CNTN1: variants seen among roughly 807,000 people sequenced by gnomAD.
The protein encoded by CNTN1 is contactin 1.
In CNTN1, 38 loss-of-function variants were observed where a neutral mutation model predicts 126.4. The ratio of observed to expected loss-of-function variants is 0.30; its 90% CI spans 0.23 to 0.39. The LOEUF (loss-of-function observed/expected upper bound fraction) is 0.39. Among genes scored for constraint, CNTN1 ranks in the 10% least tolerant of loss-of-function variants. CNTN1 has a pLI of 1.00. For missense variants in CNTN1, 1,009 were observed against 1,248.4 expected, an observed-to-expected ratio of 0.81 and a Z score of 2.89; for synonymous variants, 413 against 422.6, an observed-to-expected ratio of 0.98 and a Z score of 0.28.
intron 17 of CNTN1, among the ~76,000 whole-genome samples, chr12:40,998,551 G>A (rs1948277304): frequency 6.6e-6 from 1 of 152,114 alleles, no homozygotes; most frequent in Non-Finnish European, 1.5e-5. Flanking sequence ...TATATTAGGG[G>A]TGTTAGCAAT....
At chr12:40,731,540 T>G (rs1942501070) in intron 1 of CNTN1, among the ~76,000 whole-genome samples, 1 of 152,012 alleles carries the variant, frequency 6.6e-6, no homozygotes. Context: ...AATGTACATA[T>G]TCTTTAGATA....
intron 17 of CNTN1, among the ~76,000 whole-genome samples, chr12:41,005,799 A>AT (rs1428492322): frequency 6.6e-6 from 1 of 151,714 alleles, no homozygotes; most frequent in East Asian, 1.9e-4. Context: ...TAAACTGTCT[A>AT]TTTTTTCTGT....
intron 1 of CNTN1, among the ~76,000 whole-genome samples, chr12:40,767,618 TTG>T (rs1483226295): frequency 2.8e-5 from 4 of 143,654 alleles, no homozygotes; most frequent in Non-Finnish European, 6.1e-5. Context: ...CTTTTTTTGT[TTG>T]TTTGTTTGTT....
chr12:40,982,277 T>C (rs1947840272), intron 16 of CNTN1, among the ~76,000 whole-genome samples: 1 of 152,146 alleles, frequency 6.6e-6, no homozygotes, highest in Non-Finnish European at 1.5e-5. Flanking sequence ...AATCAGATCA[T>C]CTGAAAAATA....
In CNTN1 at chr12:40,749,634, A is replaced by ATT. The variant is rs200512574; in HGVS notation, c.-77+57051_-77+57052dup. 1.6e-3 allele frequency among the ~76,000 whole-genome samples: 155 copies of ATT among 98,100 alleles called. 15 individuals carry two copies. The highest frequency in any genetic ancestry group is 5.5e-3 in the African/African-American group (149 of 27,174). The allele number at this position is 98,100 out of a possible 152,430, so 64.4% of individuals were successfully genotyped here. A position where few individuals can be genotyped will look rare whatever the true frequency, so the allele number is the denominator to read the frequency against. On this transcript the variant is annotated intron_variant, in intron 1 of 23. Transcript: ENST00000551295. Reference sequence around the variant, plus strand: ...TTTGTTTTTTGTGTTTTGTTTTTTTATTTTTTTTTTCATTTAATCCTTGAA... The same window carrying ATT: ...TTTGTTTTTTGTGTTTTGTTTTTTTATTTTTTTTTTTTCATTTAATCCTTGAA...
chr12:40,832,339 G>A (rs953048085), intron 1 of CNTN1, among the ~76,000 whole-genome samples: 13 of 152,170 alleles, frequency 8.5e-5, no homozygotes, highest in South Asian at 2.1e-4. Flanking sequence ...TTCCTGTTGC[G>A]TAGTGATATG....
At chr12:41,040,663 T>A (rs1949382464) in intron 23 of CNTN1, among the ~76,000 whole-genome samples, 1 of 151,944 alleles carries the variant, frequency 6.6e-6, no homozygotes, top group Admixed American at 6.6e-5. Context: ...GGTATTCTAT[T>A]CTCTTTGAAG....
At chr12:40,829,223 G>T (rs1472713729) in intron 1 of CNTN1, among the ~76,000 whole-genome samples, 1 of 151,696 alleles carries the variant, frequency 6.6e-6, no homozygotes, top group Non-Finnish European at 1.5e-5. Context: ...AATTCTTTAA[G>T]GCTACTTTTC....
At chr12:40,798,421 C>G (rs1033619811) in intron 1 of CNTN1, among the ~76,000 whole-genome samples, 1 of 151,968 alleles carries the variant, frequency 6.6e-6, no homozygotes, top group Admixed American at 6.6e-5. Flanking sequence ...CAAAGCTGCA[C>G]AAATTCATTG....
chr12:40,901,092 G>A (rs188410425), intron 1 of CNTN1, among the ~76,000 whole-genome samples: 3 of 152,188 alleles, frequency 2.0e-5, no homozygotes, highest in Admixed American at 1.3e-4. Flanking sequence ...GTACATTTTC[G>A]TATCTGATCC....
chr12:40,804,045 T>C (rs1334606208), intron 1 of CNTN1, among the ~76,000 whole-genome samples: 1 of 152,008 alleles, frequency 6.6e-6, no homozygotes, highest in Admixed American at 6.6e-5. Context: ...AGTTCCAAAC[T>C]TTACTGCTAC....
At chr12:40,980,280 A>G (rs896364219) in intron 15 of CNTN1, among the ~76,000 whole-genome samples, 1 of 152,124 alleles carries the variant, frequency 6.6e-6, no homozygotes, top group East Asian at 1.9e-4. Flanking sequence ...AAAAGAGTAC[A>G]CACATGCACA....
intron 17 of CNTN1, among the ~76,000 whole-genome samples, chr12:41,007,209 G>A (rs987782396): frequency 9.9e-5 from 15 of 151,360 alleles, no homozygotes; most frequent in Non-Finnish European, 1.9e-4. Flanking sequence ...ACAGGCGCCC[G>A]CCACTACGCC....
chr12:40,985,848 AGT>A (rs1236932907), intron 16 of CNTN1, among the ~76,000 whole-genome samples: 1 of 151,616 alleles, frequency 6.6e-6, no homozygotes, highest in South Asian at 2.1e-4. Flanking sequence ...GATAATGGAC[AGT>A]GTGTGTGTGT....
At chr12:40,945,542 G>C (rs892157605) in intron 14 of CNTN1, among the ~76,000 whole-genome samples, 2 of 152,020 alleles carry the variant, frequency 1.3e-5, no homozygotes, top group East Asian at 3.9e-4. Flanking sequence ...CTGCAATGAA[G>C]TCTATGTAAA....
chr12:40,755,055 G>A (rs1938545403), intron 1 of CNTN1, among the ~76,000 whole-genome samples: 1 of 151,718 alleles, frequency 6.6e-6, no homozygotes, highest in Non-Finnish European at 1.5e-5. Context: ...GCTGGGCATG[G>A]TGGCATATGC....
intron 1 of CNTN1, among the ~76,000 whole-genome samples, chr12:40,826,396 G>A (rs1941615201): frequency 6.6e-6 from 1 of 152,114 alleles, no homozygotes; most frequent in East Asian, 1.9e-4. Flanking sequence ...TTTACTTGAA[G>A]TTTATTAGCT....
At chr12:40,893,544 G>C (rs112047730) in intron 1 of CNTN1, among the ~76,000 whole-genome samples, 2 of 151,900 alleles carry the variant, frequency 1.3e-5, no homozygotes, top group African/African-American at 4.8e-5. Context: ...ACAAGTCAAA[G>C]GTATCTCTTC....
intron 1 of CNTN1, among the ~76,000 whole-genome samples, chr12:40,765,605 T>G (rs1034300408): frequency 6.6e-6 from 1 of 152,184 alleles, no homozygotes; most frequent in Admixed American, 6.5e-5. Flanking sequence ...TGGAGTTCAG[T>G]GGCTAACTGT....
Sources: allele counts gnomAD v4.1 joint callset (sites outside exome capture counted in the v4.1 genomes callset), GRCh38; gene constraint gnomAD v4.1.1; transcripts MANE v1.5; gene names NCBI Gene and HGNC (gene_info 2026-07-23, HGNC 2026-07-21).